The following MYO1F variants were observed in gnomAD, a reference collection of about 807,000 sequenced individuals.
MYO1F encodes the protein unconventional myosin-If.
Under a neutral mutation model 146.6 loss-of-function variants are expected in MYO1F, and 60 were observed. The ratio of observed to expected loss-of-function variants is 0.41; its 90% confidence interval spans 0.33 to 0.51. The LOEUF is 0.51. MYO1F is among the 20% of genes least tolerant of loss of function. MYO1F has a pLI of 0.25. For synonymous variants in MYO1F, 602 were observed against 602.1 expected, an observed-to-expected ratio of 1.00 and a Z score of 0.00; for missense variants, 1,274 against 1,534.3, an observed-to-expected ratio of 0.83 and a Z score of 2.83.
At position 8,548,011 on chromosome 19, in the gene MYO1F, C is replaced by T. The variant is rs548840856; in HGVS notation, c.1269+25G>A. 5.1e-4 allele frequency: 800 copies of T among 1,577,842 alleles called. 17 individuals carry two copies. In the South Asian group the frequency reaches 8.5e-3, roughly 17 times the overall value. ...ACCCCACCCCCACCCCAGGATCCCC[C>T]ATCCCTGACTGCTTGGCCGCCCACC... On this transcript the variant is annotated intron_variant, in intron 12 of 27. Transcript: ENST00000644032.
rs1324450387 is a variant in MYO1F at position 8,549,011 on chromosome 19, C to T, written c.1102-694G>A. 9.9e-5 allele frequency among the ~76,000 whole-genome samples: 15 copies of T among 151,424 alleles called. 1 individual carries two copies. Among genetic ancestry groups the T allele is most frequent in the Admixed American group, 8.6e-4 (13 of 15,184 alleles). ...GTTGCCCAGGCTGGAATGCCAGTGG[C>T]GCAATCTCGGCTCACTGAAACCTCT... On this transcript the variant is annotated intron_variant, in intron 10 of 27. Coordinates refer to ENST00000644032, the MANE Select transcript of MYO1F (RefSeq NM_012335.4).
At chr19:8,568,291 C>T (rs1289746674) in intron 1 of MYO1F, among the ~76,000 whole-genome samples, 2 of 151,848 alleles carry the variant, frequency 1.3e-5, no homozygotes, top group African/African-American at 2.4e-5. Flanking sequence ...GGTGCGGTGG[C>T]GGGCGCCCGT....
chr19:8,554,507 A>G lies in MYO1F; in HGVS notation c.296T>C (p.Ile99Thr). 2 of 1,613,140 alleles carry G rather than the reference A, an allele frequency of 1.2e-6. No individual in the cohort carries two copies. Among genetic ancestry groups the G allele is most frequent in the Non-Finnish European group, 1.7e-6 (2 of 1,179,382 alleles). Residue 99 changes from isoleucine to threonine, a missense_variant, in exon 4 of 28, where the codon ATC (isoleucine) becomes ACC (threonine). Physicochemically the swap from Ile to Thr is moderately conservative, Grantham distance 89 (BLOSUM62 -1). Coordinates refer to ENST00000644032, the MANE Select transcript of MYO1F (RefSeq NM_012335.4). ...GATGACACACTGGTTCTCACAGTCG[A>G]TAAGCATGTTCCGGTACATGTTGTC... Reference protein sequence around the residue: ...LTDNMYRNMLIDCENQCVIIS... With the variant: ...LTDNMYRNMLTDCENQCVIIS...
intron 23 of MYO1F, 87 bp downstream of exon 23, chr19:8,526,702 G>GCGCA (rs1972284223): frequency 3.9e-6 from 6 of 1,532,176 alleles, no homozygotes; most frequent in Non-Finnish European, 5.3e-6. Context: ...CGGGGCCGAA[G>GCGCA]CGCAGTTCGG....
At chr19:8,567,573 T>C (rs2042027686) in intron 1 of MYO1F, among the ~76,000 whole-genome samples, 1 of 152,082 alleles carries the variant, frequency 6.6e-6, no homozygotes, top group African/African-American at 2.4e-5. Context: ...GGCACGCTCA[T>C]CTCGAACTCC....
At chr19:8,540,150 A>T in intron 15 of MYO1F, 122 bp from the exon 16 acceptor site, 1 of 714,344 alleles carries the variant, frequency 1.4e-6, no homozygotes, top group East Asian at 2.8e-5. Flanking sequence ...TGTGGAGGGG[A>T]GCTGTGATGG....
At chr19:8,526,333 A>T (rs74629306) in intron 24 of MYO1F, 120 bp downstream of exon 24, 2 of 1,458,912 alleles carry the variant, frequency 1.4e-6, no homozygotes, top group Admixed American at 4.0e-5. Context: ...TCTTAAAAAA[A>T]CCACAAAACT....
intron 25 of MYO1F, among the ~76,000 whole-genome samples, chr19:8,523,688 T>C (rs530824264): frequency 2.7e-4 from 41 of 152,130 alleles, no homozygotes; most frequent in Non-Finnish European, 2.5e-4. Flanking sequence ...AGGGTTTTGC[T>C]CTGTGGCCCA....
At chr19:8,549,925 T>C in intron 10 of MYO1F, 1 of 597,578 alleles carries the variant, frequency 1.7e-6, no homozygotes, top group Non-Finnish European at 3.0e-6. Flanking sequence ...CTCAGCCCTC[T>C]GAGTAGCCAG....
chr19:8,551,833 G>C lies in MYO1F; in HGVS notation c.678C>G (p.Gly226=), dbSNP rs1337015226. The C allele has an allele frequency of 6.2e-7, 1 of 1,614,120 alleles. No homozygotes were observed. Among genetic ancestry groups the C allele is most frequent in the Non-Finnish European group, 8.5e-7 (1 of 1,180,020 alleles). Reference sequence around the variant, plus strand: ...AGTAATAGTAGTCCGGTGTCATGAGGCCCAGGTTCTGCCTTTGCTCCTGGG... The same window carrying C: ...AGTAATAGTAGTCCGGTGTCATGAGCCCCAGGTTCTGCCTTTGCTCCTGGG... ...GASQEQRQNL[G]LMTPDYYYYL... The change falls in exon 8 of 28, where the codon GGC becomes GGG. Residue 226 remains glycine, a synonymous_variant. Transcript: ENST00000644032.
chr19:8,545,431 A>C, intron 13 of MYO1F: 1 of 579,956 alleles, frequency 1.7e-6, no homozygotes, highest in Non-Finnish European at 3.1e-6. Context: ...TCCCGGGGAA[A>C]TGTTTATTGA....
intron 1 of MYO1F, among the ~76,000 whole-genome samples, chr19:8,556,371 G>T (rs1189221192): frequency 6.6e-6 from 1 of 150,978 alleles, no homozygotes; most frequent in African/African-American, 2.4e-5. Context: ...GCCAAGTGCA[G>T]TGGCTCATGC....
intron 1 of MYO1F, among the ~76,000 whole-genome samples, chr19:8,566,161 C>CTTTTTTTTTT (rs781059040): frequency 2.6e-5 from 2 of 78,358 alleles, no homozygotes; most frequent in African/African-American, 5.4e-5. Context: ...CAGTCTATGT[C>CTTTTTTTTTT]TTTTTTTTTT....
At chr19:8,536,766 TG>T in intron 17 of MYO1F, 169 bp from the exon 18 acceptor site, 1 of 61,998 alleles carries the variant, frequency 1.6e-5, no homozygotes. Context: ...GCCTGGGGAC[TG>T]GGGGGAGGGA....
In MYO1F at chr19:8,550,671, G is replaced by A. The variant is rs772816513; in HGVS notation, c.795C>T (p.Ile265=). 6.2e-7 allele frequency: 1 copy of A among 1,614,122 alleles called. No homozygotes were observed. Among genetic ancestry groups the A allele is most frequent in the South Asian group, 1.1e-5 (1 of 91,084 alleles). Residue 265 remains isoleucine (I), a synonymous_variant, in exon 9 of 28, where the codon ATC becomes ATT. Transcript: ENST00000644032. ...ETLSAMQVIG[I]PPSIQQLVLQ... ...GGACCAGCTGCTGGATGCTGGGCGG[G>A]ATCCCAATAACCTGCATAGCACTCT...
chr19:8,536,151 A>G (rs754539457), intron 19 of MYO1F, 101 bp downstream of exon 19: 29 of 1,425,844 alleles, frequency 2.0e-5, no homozygotes, highest in Middle Eastern at 1.8e-4. Context: ...CTTTCTCTCA[A>G]TCTCTGTCTC....
chr19:8,545,529 C>A, intron 13 of MYO1F, 121 bp downstream of exon 13: 1 of 838,744 alleles, frequency 1.2e-6, no homozygotes, highest in Non-Finnish European at 2.1e-6. Flanking sequence ...GCTGGAAGTC[C>A]TGAGTGTAGG....
At chr19:8,564,795 CAG>C (rs914972360) in intron 1 of MYO1F, among the ~76,000 whole-genome samples, 2 of 151,420 alleles carry the variant, frequency 1.3e-5, no homozygotes, top group Admixed American at 6.6e-5. Context: ...TGTTTTGAGA[CAG>C]AGTCTCGCTC....
intron 1 of MYO1F, among the ~76,000 whole-genome samples, chr19:8,563,336 C>A (rs185758761): frequency 7.1e-6 from 1 of 141,108 alleles, no homozygotes; most frequent in Non-Finnish European, 1.5e-5. Context: ...CTTGCTCTAT[C>A]GCCCAGGCTG....
Sources: gnomAD v4.1 joint callset for allele counts (sites outside exome capture counted in the v4.1 genomes callset) on GRCh38, gnomAD v4.1.1 for gene constraint, MANE v1.5 for transcripts, NCBI Gene and HGNC (gene_info 2026-07-23, HGNC 2026-07-21) for gene names.